Variants in RTN1 observed in about 807,000 individuals in gnomAD.
RTN1 encodes reticulon 1.
RTN1 carries 25 observed loss-of-function variants against 65.5 expected under a neutral mutation model. The observed-to-expected ratio is 0.38, with a 90% confidence interval of 0.28 to 0.53. RTN1 has a LOEUF of 0.53. Ranked by LOEUF, RTN1 falls within the 20% of genes least tolerant of loss-of-function variation. RTN1 has a pLI of 0.79. For missense variants in RTN1, 983 were observed against 1,025.4 expected, an observed-to-expected ratio of 0.96 and a Z score of 0.57; for synonymous variants, 471 against 447.6, an observed-to-expected ratio of 1.05 and a Z score of -0.66.
chr14:59,770,800 A>C (rs1885941793), intron 1 of RTN1, among the ~76,000 whole-genome samples: 1 of 152,202 alleles, frequency 6.6e-6, no homozygotes, highest in Admixed American at 6.5e-5. Context: ...CATGCCTGTA[A>C]TCCCAGCACT....
chr14:59,804,413 G>A (rs1317622252), intron 1 of RTN1, among the ~76,000 whole-genome samples: 1 of 152,080 alleles, frequency 6.6e-6, no homozygotes, highest in African/African-American at 2.4e-5. Context: ...TGTTCTCCTG[G>A]TGCCTTCACT....
intron 3 of RTN1, among the ~76,000 whole-genome samples, chr14:59,643,030 T>A (rs1882812117): frequency 6.6e-6 from 1 of 152,212 alleles, no homozygotes; most frequent in Non-Finnish European, 1.5e-5. Flanking sequence ...AGGCTAGGCC[T>A]ACCTCTGGTT....
intron 1 of RTN1, among the ~76,000 whole-genome samples, chr14:59,779,536 G>A (rs1349196715): frequency 6.6e-6 from 1 of 151,890 alleles, no homozygotes; most frequent in Non-Finnish European, 1.5e-5. Context: ...TGACCGAGGC[G>A]CAGGAGCCAG....
intron 3 of RTN1, among the ~76,000 whole-genome samples, chr14:59,616,395 C>A (rs1956370): frequency 0.96 from 146,401 of 152,226 alleles, 70,615 homozygotes; most frequent in East Asian, 1. Flanking sequence ...TTGTTTCATA[C>A]TCAGCTATCA....
intron 1 of RTN1, among the ~76,000 whole-genome samples, chr14:59,819,622 C>A (rs1307092253): frequency 6.6e-6 from 1 of 152,096 alleles, no homozygotes; most frequent in South Asian, 2.1e-4. Flanking sequence ...CTTGGGCGGT[C>A]GATGGGACCG....
At chr14:59,747,452 A>C (rs1339285601) in intron 1 of RTN1, among the ~76,000 whole-genome samples, 1 of 152,242 alleles carries the variant, frequency 6.6e-6, no homozygotes, top group Non-Finnish European at 1.5e-5. Context: ...TCTACTAAAA[A>C]TACAAAATTA....
Position 59,596,803 on chromosome 14 carries a change from C to A in RTN1, c.2289-16G>T, listed in dbSNP as rs200195091. The A allele has an allele frequency of 1.1e-5, 17 of 1,603,256 alleles. No individual in the cohort carries two copies. The highest frequency in any genetic ancestry group is 5.0e-5 in the Admixed American group (3 of 59,944). ...AGCCTGAATCCTAAAAAGACAGTAT[C>A]AAAAGGTAGTAAATCACAAGTGTTA... On this transcript the variant is annotated splice_polypyrimidine_tract_variant and intron_variant, in intron 8 of 8. Transcript: ENST00000267484.
Position 59,849,351 on chromosome 14 carries a change from T to C in RTN1, c.241+21039A>G, listed in dbSNP as rs375901123. Among the ~76,000 whole-genome samples, 1 of 152,352 alleles carries C rather than the reference T, an allele frequency of 6.6e-6. No individual in the cohort carries two copies. The highest frequency in any genetic ancestry group is 1.9e-4 in the East Asian group (1 of 5,192). ...CCCCAAAGTATAGAGTACATTTTCA[T>C]ATTTGAGCATGGTAAAAGAAAAACC... On this transcript the variant is annotated intron_variant, in intron 1 of 8. Coordinates refer to ENST00000267484, the MANE Select transcript of RTN1 (RefSeq NM_021136.3). The surrounding 1 kb of genome is among the most constrained non-coding windows in gnomAD (Gnocchi z 4.5).
chr14:59,843,944 A>C (rs1018469938), intron 1 of RTN1, among the ~76,000 whole-genome samples: 1 of 152,174 alleles, frequency 6.6e-6, no homozygotes. Context: ...ATGGGTTAAG[A>C]TTTAGGTCAA....
intron 1 of RTN1, among the ~76,000 whole-genome samples, chr14:59,843,131 G>GAATATTGCA (rs1208683577): frequency 3.3e-5 from 5 of 152,198 alleles, no homozygotes; most frequent in Non-Finnish European, 5.9e-5. Flanking sequence ...TTCTATTGTA[G>GAATATTGCA]AATATTGCAC....
rs1320583522 is a variant in RTN1 at position 59,750,284 on chromosome 14, A to G, written c.242-3803T>C. ...ATATATAATATCTATAATATATAAT[A>G]TATATAATATCTATAATATATAATA... is the stretch of plus-strand genomic sequence containing the variant. On this transcript the variant is annotated intron_variant, in intron 1 of 8. Transcript: ENST00000267484. 8.7e-5 allele frequency among the ~76,000 whole-genome samples: 4 copies of G among 46,152 alleles called. No homozygotes were observed. The East Asian group carries it at 2.3e-3, about 27-fold the overall frequency. 30.3% of individuals were successfully genotyped at this position (46,152 alleles called of 152,430 possible).
chr14:59,833,472 A>G (rs1452415655), intron 1 of RTN1, among the ~76,000 whole-genome samples: 2 of 152,234 alleles, frequency 1.3e-5, no homozygotes, highest in African/African-American at 4.8e-5. Flanking sequence ...AAAATATTAA[A>G]TAATTGTGAA....
chr14:59,640,087 C>T (rs1159978983), intron 3 of RTN1, among the ~76,000 whole-genome samples: 1 of 152,096 alleles, frequency 6.6e-6, no homozygotes, highest in Non-Finnish European at 1.5e-5. Flanking sequence ...TTACTCCCTC[C>T]TGTATTTGCT....
At chr14:59,720,482 G>T (rs183484490) in intron 3 of RTN1, among the ~76,000 whole-genome samples, 23 of 152,204 alleles carry the variant, frequency 1.5e-4, no homozygotes, top group African/African-American at 5.5e-4. Flanking sequence ...AGCATTTTGA[G>T]AGGCCAAGGC....
intron 1 of RTN1, among the ~76,000 whole-genome samples, chr14:59,791,629 A>G (rs1370727214): frequency 6.6e-6 from 1 of 152,162 alleles, no homozygotes; most frequent in Admixed American, 6.5e-5. Context: ...GAAGATGTGC[A>G]TTCTGCCACA....
chr14:59,830,114 G>C (rs959342045), intron 1 of RTN1, among the ~76,000 whole-genome samples: 30 of 152,168 alleles, frequency 2.0e-4, no homozygotes, highest in Non-Finnish European at 4.3e-4. Flanking sequence ...TCTCCCCATT[G>C]TTTAGCCCTC....
At chr14:59,856,804 C>A (rs1237302721) in intron 1 of RTN1, among the ~76,000 whole-genome samples, 1 of 152,208 alleles carries the variant, frequency 6.6e-6, no homozygotes, top group Admixed American at 6.5e-5. Flanking sequence ...TCTGACGCTA[C>A]TGACCAGGCT....
intron 3 of RTN1, among the ~76,000 whole-genome samples, chr14:59,676,660 CCTAA>C (rs138272574): frequency 0.36 from 54,133 of 151,618 alleles, 11,230 homozygotes; most frequent in Non-Finnish European, 0.45. Flanking sequence ...GCTCTGCTAA[CCTAA>C]CTATCTTCTT....
intron 2 of RTN1, among the ~76,000 whole-genome samples, chr14:59,743,839 C>A (rs1276759675): frequency 2.0e-5 from 3 of 152,188 alleles, no homozygotes; most frequent in Admixed American, 2.0e-4. Context: ...ACCAAGCACA[C>A]TGGATTGGGA....
Sources: allele counts gnomAD v4.1 joint callset (sites outside exome capture counted in the v4.1 genomes callset), GRCh38; gene constraint gnomAD v4.1.1; non-coding constraint Gnocchi (gnomAD v3.1); transcripts MANE v1.5; gene names NCBI Gene and HGNC (gene_info 2026-07-23, HGNC 2026-07-21).